OTOGL: variants seen among roughly 807,000 people sequenced by gnomAD.
OTOGL encodes the protein otogelin like.
Under a neutral mutation model 318.5 loss-of-function variants are expected in OTOGL, and 285 were observed. The ratio of observed to expected loss-of-function variants is 0.89; its 90% CI spans 0.81 to 0.99. The LOEUF is 0.99. OTOGL is among the 50% of genes least tolerant of loss of function. The pLI is 0.00. For missense variants in OTOGL, 2,899 were observed against 2,845.6 expected (o/e 1.02, Z -0.43); for synonymous variants, 987 against 936.5 (o/e 1.05, Z -0.99).
intron 1 of OTOGL, among the ~76,000 whole-genome samples, chr12:80,100,619 A>T (rs1023038373): frequency 1.3e-5 from 2 of 152,128 alleles, no homozygotes; most frequent in Non-Finnish European, 2.9e-5. Flanking sequence ...TCACTCTGTT[A>T]ATCTGTGTTT....
intron 23 of OTOGL, among the ~76,000 whole-genome samples, chr12:80,271,228 T>G (rs925003775): frequency 1.3e-5 from 2 of 152,084 alleles, no homozygotes; most frequent in African/African-American, 4.8e-5. Context: ...TTATTTGATC[T>G]CTAAGAGCCC....
intron 1 of OTOGL, among the ~76,000 whole-genome samples, chr12:80,185,193 A>G (rs936558227): frequency 6.6e-6 from 1 of 152,188 alleles, no homozygotes; most frequent in Admixed American, 6.5e-5. Flanking sequence ...GAGACAGGCA[A>G]TGTGAACAGA....
At chr12:80,146,631 T>TGGTATCAGTTCCTCCTTGTAC (rs1872383928) in intron 1 of OTOGL, among the ~76,000 whole-genome samples, 2 of 151,970 alleles carry the variant, frequency 1.3e-5, no homozygotes, top group East Asian at 3.8e-4. Context: ...TCAGAAGGAA[T>TGGTATCAGTTCCTCCTTGTAC]GGTATCAGTT....
At chr12:80,211,456 T>C (rs1877249488) in intron 3 of OTOGL, among the ~76,000 whole-genome samples, 2 of 152,140 alleles carry the variant, frequency 1.3e-5, no homozygotes, top group South Asian at 4.1e-4. Context: ...AGCAAATATA[T>C]GCCTTAGTGA....
chr12:80,356,434 G>A lies in OTOGL; in HGVS notation c.5825G>A (p.Cys1942Tyr). The A allele has an allele frequency of 1.2e-6, 2 of 1,610,622 alleles. No homozygotes were observed. The highest frequency in any genetic ancestry group is 1.1e-5 in the South Asian group (1 of 90,474). The change falls in exon 48 of 59, where the codon TGT becomes TAT. Residue 1942 changes from cysteine (C) to tyrosine (Y), a missense_variant. Coordinates refer to ENST00000547103, the MANE Select transcript of OTOGL (RefSeq NM_001378609.3). Reference sequence around the variant, plus strand: ...TTTATAGGATGTGACACGACTTTGTGTGAAACTAGCATTCCAACATGTACA... The same window carrying A: ...TTTATAGGATGTGACACGACTTTGTATGAAACTAGCATTCCAACATGTACA... ...KEVCGCDTTL[C>Y]ETSIPTCTNS...
At chr12:80,195,029 C>A (rs1330874794) in intron 1 of OTOGL, among the ~76,000 whole-genome samples, 1 of 152,118 alleles carries the variant, frequency 6.6e-6, no homozygotes, top group African/African-American at 2.4e-5. Flanking sequence ...TTTTAATGTA[C>A]CCAGCAAGTG....
At chr12:80,187,265 G>GT (rs971596190) in intron 1 of OTOGL, among the ~76,000 whole-genome samples, 330 of 142,692 alleles carry the variant, frequency 2.3e-3, no homozygotes, top group Middle Eastern at 7.2e-3. Context: ...GGTTGTTTTT[G>GT]TTTTTTTTTT....
At chr12:80,112,326 T>G (rs1221441246) in intron 1 of OTOGL, among the ~76,000 whole-genome samples, 1 of 152,246 alleles carries the variant, frequency 6.6e-6, no homozygotes, top group Admixed American at 6.5e-5. Context: ...TGTGCCAGTT[T>G]TCAAACAGAA....
At chr12:80,291,954 CTTTTCTTTT>C (rs1054129114) in intron 26 of OTOGL, among the ~76,000 whole-genome samples, 17 of 151,928 alleles carry the variant, frequency 1.1e-4, no homozygotes, top group African/African-American at 4.1e-4. Flanking sequence ...GAAATATTTT[CTTTTCTTTT>C]TTTTCTTTTT....
At chr12:80,183,390 CT>C (rs377220697) in intron 1 of OTOGL, among the ~76,000 whole-genome samples, 202 of 152,248 alleles carry the variant, frequency 1.3e-3, no homozygotes, top group African/African-American at 4.7e-3. Context: ...GTTCTTTTGG[CT>C]TTTTGTTTCT....
chr12:80,376,011 A>G (rs994501), intron 57 of OTOGL, among the ~76,000 whole-genome samples: 108,768 of 151,836 alleles, frequency 0.72, 40,847 homozygotes, highest in Non-Finnish European at 0.84. Context: ...AGGGTGCATT[A>G]AAGAGTGTGT....
chr12:80,221,495 T>C (rs923540730), intron 6 of OTOGL, among the ~76,000 whole-genome samples: 1 of 151,984 alleles, frequency 6.6e-6, no homozygotes, highest in Non-Finnish European at 1.5e-5. Context: ...TCTCAAACTC[T>C]TGAGCTCAGG....
rs11114400 is a variant in OTOGL, at chr12:80,318,317, T to C, written c.3635-229T>C. Among the ~76,000 whole-genome samples the C allele has an allele frequency of 0.051, 7,708 of 152,170 alleles. 675 individuals are homozygous for C. Among genetic ancestry groups the C allele is most frequent in the African/African-American group, 0.18 (7,312 of 41,474 alleles). ...TAAGATTAAACCTTTATGAAACAACTGATCACGTGTATATCAACATTTTGC... is the reference window on the plus strand; with the variant it reads ...TAAGATTAAACCTTTATGAAACAACCGATCACGTGTATATCAACATTTTGC... On this transcript the variant is annotated intron_variant, in intron 32 of 58. Coordinates refer to ENST00000547103, the MANE Select transcript of OTOGL (RefSeq NM_001378609.3).
At chr12:80,295,950 T>G (rs935781632) in intron 26 of OTOGL, among the ~76,000 whole-genome samples, 6 of 54,408 alleles carry the variant, frequency 1.1e-4, no homozygotes, top group African/African-American at 2.5e-4. Flanking sequence ...TCCATTAAAC[T>G]GGGGGAGAAA....
intron 29 of OTOGL, among the ~76,000 whole-genome samples, chr12:80,309,921 C>G (rs893999889): frequency 6.6e-6 from 1 of 151,786 alleles, no homozygotes. Context: ...ACGCGTGTAC[C>G]GAATGAGAAA....
At chr12:80,314,452 C>A in intron 32 of OTOGL, 121 bp downstream of exon 32, 1 of 320,198 alleles carries the variant, frequency 3.1e-6, no homozygotes, top group Non-Finnish European at 5.7e-6. Context: ...CTATATAACT[C>A]CATAAAAGCT....
chr12:80,194,042 A>G (rs1875878342), intron 1 of OTOGL, among the ~76,000 whole-genome samples: 1 of 152,166 alleles, frequency 6.6e-6, no homozygotes, highest in African/African-American at 2.4e-5. Flanking sequence ...CTGACTAACA[A>G]CACTGATTTT....
intron 1 of OTOGL, among the ~76,000 whole-genome samples, chr12:80,138,281 G>A (rs961768367): frequency 2.9e-4 from 44 of 152,152 alleles, no homozygotes; most frequent in African/African-American, 1.1e-3. Context: ...TGGTTGATAC[G>A]ATAATTTTCT....
chr12:80,121,766 C>G (rs923657445), intron 1 of OTOGL, among the ~76,000 whole-genome samples: 3 of 152,018 alleles, frequency 2.0e-5, no homozygotes, highest in African/African-American at 4.8e-5. Flanking sequence ...TCATTTAAAC[C>G]CATAGTGGGA....
Sources: gnomAD v4.1 joint callset for allele counts (sites outside exome capture counted in the v4.1 genomes callset) on GRCh38, gnomAD v4.1.1 for gene constraint, MANE v1.5 for transcripts, NCBI Gene and HGNC (gene_info 2026-07-23, HGNC 2026-07-21) for gene names.